AGMO: variants seen among roughly 807,000 people sequenced by gnomAD.
AGMO encodes the protein alkylglycerol monooxygenase.
Under a neutral mutation model 60.2 loss-of-function variants are expected in AGMO, and 75 were observed. The observed-to-expected ratio is 1.25, with a 90% CI of 1.03 to 1.51. AGMO has a LOEUF of 1.51. Ranked by LOEUF, AGMO falls within the 40% of genes most tolerant of loss-of-function variation. AGMO has a pLI of 0.00. For synonymous variants in AGMO, 261 were observed against 177.1 expected, an observed-to-expected ratio of 1.47 and a Z score of -3.76; for missense variants, 763 against 525.5, an observed-to-expected ratio of 1.45 and a Z score of -4.42.
At chr7:15,419,739 C>A (rs1476359343) in intron 4 of AGMO, among the ~76,000 whole-genome samples, 1 of 151,748 alleles carries the variant, frequency 6.6e-6, no homozygotes, top group Non-Finnish European at 1.5e-5. Context: ...GAATACTGGG[C>A]TCTCATTCAA....
At chr7:15,353,550 TA>T (rs1563104212) in intron 12 of AGMO, among the ~76,000 whole-genome samples, 1 of 151,960 alleles carries the variant, frequency 6.6e-6, no homozygotes, top group Non-Finnish European at 1.5e-5. Flanking sequence ...ACTACTCAAC[TA>T]AAAGAAAAAA....
At chr7:15,269,751 C>G (rs1328732009) in intron 12 of AGMO, among the ~76,000 whole-genome samples, 2 of 151,870 alleles carry the variant, frequency 1.3e-5, no homozygotes, top group African/African-American at 4.8e-5. Flanking sequence ...CTTCAACCAT[C>G]ATCCCTCTCA....
chr7:15,389,501 G>A (rs189971345), intron 8 of AGMO, among the ~76,000 whole-genome samples: 42 of 152,260 alleles, frequency 2.8e-4, no homozygotes, highest in Non-Finnish European at 7.4e-5. Flanking sequence ...AGATAGAAAT[G>A]CCATATAGTT....
At chr7:15,368,280 C>CAAA (rs34220868) in intron 10 of AGMO, among the ~76,000 whole-genome samples, 17 of 123,470 alleles carry the variant, frequency 1.4e-4, no homozygotes, top group African/African-American at 3.7e-4. Flanking sequence ...AGAATGAGAC[C>CAAA]AAAAAAAAAA....
chr7:15,177,991 T>C, the AGMO span, among the ~76,000 whole-genome samples: 1 of 152,154 alleles, frequency 6.6e-6, no homozygotes, highest in African/African-American at 2.4e-5. Context: ...TAGTCAATTA[T>C]TCCCAATGTC....
chr7:15,163,224 G>A, the AGMO span, among the ~76,000 whole-genome samples: 1 of 152,088 alleles, frequency 6.6e-6, no homozygotes, highest in East Asian at 1.9e-4. Flanking sequence ...GTCTTTTGAA[G>A]GGATCTTTAG....
chr7:15,124,606 T>C, the AGMO span, among the ~76,000 whole-genome samples: 12 of 152,236 alleles, frequency 7.9e-5, no homozygotes, highest in South Asian at 2.5e-3. Flanking sequence ...CTTCTGATCT[T>C]TAGAAGGAAG....
chr7:15,448,132 A>C (rs1374603724), intron 3 of AGMO, among the ~76,000 whole-genome samples: 3 of 152,202 alleles, frequency 2.0e-5, no homozygotes, highest in Non-Finnish European at 4.4e-5. Flanking sequence ...CCATCCAATG[A>C]AATGAACTGC....
chr7:15,132,061 G>A, the AGMO span, among the ~76,000 whole-genome samples: 2 of 152,096 alleles, frequency 1.3e-5, no homozygotes, highest in Non-Finnish European at 2.9e-5. Flanking sequence ...AGCCTTCTGA[G>A]GCAGAGAGGA....
At chr7:15,265,821 T>C (rs1783415571) in intron 12 of AGMO, among the ~76,000 whole-genome samples, 1 of 152,092 alleles carries the variant, frequency 6.6e-6, no homozygotes, top group South Asian at 2.1e-4. Context: ...CTTGAAAAGA[T>C]AACTGGACAT....
At chr7:15,429,089 T>C (rs1366281709) in intron 4 of AGMO, among the ~76,000 whole-genome samples, 1 of 152,040 alleles carries the variant, frequency 6.6e-6, no homozygotes, top group African/African-American at 2.4e-5. Context: ...GGCAGTGATT[T>C]TTGTTTGTAC....
intron 3 of AGMO, among the ~76,000 whole-genome samples, chr7:15,444,089 A>G (rs1583558707): frequency 6.6e-6 from 1 of 152,122 alleles, no homozygotes; most frequent in Non-Finnish European, 1.5e-5. Context: ...AATGAGAGGG[A>G]ACTTATTCAT....
intron 2 of AGMO, 21 bp downstream of exon 2, chr7:15,560,120 G>T (rs111699735): frequency 1.3e-6 from 2 of 1,590,472 alleles, no homozygotes; most frequent in Non-Finnish European, 1.7e-6. Context: ...TATGCTCAGC[G>T]TTGTTGACCA....
intron 3 of AGMO, among the ~76,000 whole-genome samples, chr7:15,462,901 T>C (rs1782182513): frequency 1.3e-5 from 2 of 152,118 alleles, no homozygotes; most frequent in South Asian, 4.1e-4. Flanking sequence ...TCAAATTTCC[T>C]GGAGGGCAGG....
At chr7:15,437,295 T>C (rs1781427981) in intron 3 of AGMO, among the ~76,000 whole-genome samples, 1 of 152,176 alleles carries the variant, frequency 6.6e-6, no homozygotes, top group African/African-American at 2.4e-5. Flanking sequence ...ATAAATGGCA[T>C]TACCAATTCA....
chr7:15,118,173 AACACACACACACAC>A, the AGMO span, among the ~76,000 whole-genome samples: 30 of 144,688 alleles, frequency 2.1e-4, no homozygotes, highest in African/African-American at 7.3e-4. Context: ...ACTAAAGAGA[AACACACACACACAC>A]ACACACACAC....
At chr7:15,215,683 A>G (rs961436884) in intron 12 of AGMO, among the ~76,000 whole-genome samples, 4 of 152,050 alleles carry the variant, frequency 2.6e-5, no homozygotes, top group Non-Finnish European at 4.4e-5. Context: ...AGCACTATGG[A>G]GAATATCAAA....
intron 3 of AGMO, among the ~76,000 whole-genome samples, chr7:15,536,020 T>C (rs1784476728): frequency 6.6e-6 from 1 of 151,920 alleles, no homozygotes; most frequent in South Asian, 2.1e-4. Context: ...AATAATATAA[T>C]ATGCTGTGTT....
chr7:15,547,986 CTCCTCAAGTGGGT>C (rs779316571), intron 2 of AGMO, among the ~76,000 whole-genome samples: 2,511 of 151,780 alleles, frequency 0.017, 51 homozygotes, highest in Non-Finnish European at 0.027. Flanking sequence ...GGCAGACTGC[CTCCTCAAGTGGGT>C]CCCTGACCCC....
Sources: allele counts gnomAD v4.1 joint callset (sites outside exome capture counted in the v4.1 genomes callset), GRCh38; gene constraint gnomAD v4.1.1; transcripts MANE v1.5; gene names NCBI Gene and HGNC (gene_info 2026-07-23, HGNC 2026-07-21).